Variants in FAM227A observed in about 807,000 individuals in gnomAD.
The protein encoded by FAM227A is family with sequence similarity 227 member A.
FAM227A carries 80 observed loss-of-function variants against 74.7 expected under a neutral mutation model. The ratio of observed to expected loss-of-function variants is 1.07; its 90% CI spans 0.89 to 1.29. The LOEUF (loss-of-function observed/expected upper bound fraction) is 1.29. Among genes scored for constraint, FAM227A ranks in the 50% most tolerant of loss-of-function variants. The probability of loss-of-function intolerance (pLI) is 0.00; values close to 1 mark genes in which losing one functional copy is unlikely to be tolerated. For missense variants in FAM227A, 654 were observed against 683.4 expected (o/e 0.96, Z 0.48); for synonymous variants, 237 against 241.8 (o/e 0.98, Z 0.19).
chr22:38,615,169 C>T lies in FAM227A; in HGVS notation c.1038+5043G>A, dbSNP rs1379307802. On this transcript the variant is annotated intron_variant, in intron 11 of 16. Transcript: ENST00000535113. ...CTCCCCGTAGCTGGGATTATAGGCA[C>T]GCACTGCCACGCCCAACTAATTTAT... Among the ~76,000 whole-genome samples, 4 of 152,206 alleles carry T rather than the reference C, an allele frequency of 2.6e-5. No individual in the cohort carries two copies. In the East Asian group the frequency reaches 5.8e-4, roughly 22 times the overall value.
At position 38,582,164 on chromosome 22, in the gene FAM227A, A is replaced by G. The variant is rs112577976; in HGVS notation, c.*3961T>C. ...ATTCACCACAATCAAGATAGTAGAC[A>G]TATCTGTCACCCCCAAAAGTTTATT... On this transcript the variant is annotated 3_prime_UTR_variant, in exon 17 of 17. Transcript: ENST00000535113. The G allele has an allele frequency of 0.027, 16,409 of 611,462 alleles. 300 individuals are homozygous for G. The highest frequency in any genetic ancestry group is 0.054 in the African/African-American group (2,936 of 54,090). The allele number at this position is 611,462 out of a possible 1,614,324, so 37.9% of individuals were successfully genotyped here. A position where few individuals can be genotyped will look rare whatever the true frequency, so the allele number is the denominator to read the frequency against.
intron 11 of FAM227A, among the ~76,000 whole-genome samples, chr22:38,613,133 TATA>T (rs1380913018): frequency 3.3e-5 from 3 of 92,116 alleles, no homozygotes; most frequent in African/African-American, 4.5e-5. Flanking sequence ...TAATTATATA[TATA>T]ATATATATAT....
At chr22:38,586,616 A>G (rs1230634980) in intron 16 of FAM227A, among the ~76,000 whole-genome samples, 1 of 152,212 alleles carries the variant, frequency 6.6e-6, no homozygotes, top group Non-Finnish European at 1.5e-5. Context: ...GATGGAGACT[A>G]GTCTCACAAG....
chr22:38,626,830 T>C (rs1166518807), intron 8 of FAM227A, among the ~76,000 whole-genome samples: 2 of 117,666 alleles, frequency 1.7e-5, no homozygotes, highest in Non-Finnish European at 3.2e-5. Context: ...GCTGCGACCG[T>C]GCACTCCAGC....
At chr22:38,615,320 G>T (rs948413935) in intron 11 of FAM227A, among the ~76,000 whole-genome samples, 1 of 152,076 alleles carries the variant, frequency 6.6e-6, no homozygotes, top group African/African-American at 2.4e-5. Flanking sequence ...CATCGCGCCC[G>T]GACAGAGTTT....
Position 38,579,951 on chromosome 22 carries a change from TTC to T in FAM227A, c.*6172_*6173del, listed in dbSNP as rs1231109038. ...TTTTCTTTTTAGAGATGTGGTCTCA[TTC>T]TGTCACCTAGGCTGGAGTGTGCAGT... On this transcript the variant is annotated 3_prime_UTR_variant, in exon 17 of 17. Coordinates refer to ENST00000535113, the MANE Select transcript of FAM227A (RefSeq NM_001013647.2). The T allele has an allele frequency of 6.6e-6, 1 of 152,090 alleles. No homozygotes were observed. The highest frequency in any genetic ancestry group is 2.4e-5 in the African/African-American group (1 of 41,416). The allele number at this position is 152,090 out of a possible 1,614,324, so 9.4% of individuals were successfully genotyped here.
chr22:38,626,891 A>AAAAATAAAT (rs1555966996), intron 8 of FAM227A, among the ~76,000 whole-genome samples: 1 of 57,688 alleles, frequency 1.7e-5, no homozygotes, highest in Non-Finnish European at 2.9e-5. Flanking sequence ...AAAAAAAAAA[A>AAAAATAAAT]ATATATATAT....
chr22:38,607,305 G>T, intron 12 of FAM227A, 84 bp downstream of exon 12: 1 of 1,001,358 alleles, frequency 1.0e-6, no homozygotes, highest in Admixed American at 2.4e-5. Flanking sequence ...AGCAAATTCT[G>T]TTCATACGAA....
intron 1 of FAM227A, among the ~76,000 whole-genome samples, chr22:38,651,509 T>C (rs1253744999): frequency 6.6e-6 from 1 of 152,076 alleles, no homozygotes; most frequent in East Asian, 1.9e-4. Flanking sequence ...TACAGGTACC[T>C]GCCACCCACA....
intron 11 of FAM227A, among the ~76,000 whole-genome samples, chr22:38,608,910 C>T (rs1453830699): frequency 1.3e-5 from 2 of 150,970 alleles, no homozygotes; most frequent in African/African-American, 4.9e-5. Context: ...ATACTCCTGC[C>T]TCAGCTCCCC....
intron 16 of FAM227A, among the ~76,000 whole-genome samples, chr22:38,586,612 G>A (rs1358955986): frequency 6.6e-6 from 1 of 152,208 alleles, no homozygotes; most frequent in Non-Finnish European, 1.5e-5. Context: ...ATGGGATGGA[G>A]ACTAGTCTCA....
intron 10 of FAM227A, among the ~76,000 whole-genome samples, chr22:38,622,921 T>C (rs576525451): frequency 6.8e-6 from 1 of 146,590 alleles, no homozygotes; most frequent in Non-Finnish European, 1.5e-5. Context: ...CCCAGCACAG[T>C]GCATGGCACA....
chr22:38,582,109 T>G lies in FAM227A; in HGVS notation c.*4016A>C, dbSNP rs1309497529. The G allele has an allele frequency of 2.1e-6, 1 of 466,438 alleles. No individual in the cohort carries two copies. Among genetic ancestry groups the G allele is most frequent in the East Asian group, 3.4e-5 (1 of 29,162 alleles). 28.9% of individuals were successfully genotyped at this position (466,438 alleles called of 1,614,324 possible). ...TATGAGAAACTGCACACATTTAAAG[T>G]GTATTTAGGTGTGTATACACCCATG... On this transcript the variant is annotated 3_prime_UTR_variant, in exon 17 of 17. Coordinates refer to ENST00000535113, the MANE Select transcript of FAM227A (RefSeq NM_001013647.2).
intron 8 of FAM227A, among the ~76,000 whole-genome samples, chr22:38,626,891 A>AAAAAAAAAATAT (rs1555966996): frequency 1.7e-5 from 1 of 57,690 alleles, no homozygotes; most frequent in African/African-American, 8.7e-5. Flanking sequence ...AAAAAAAAAA[A>AAAAAAAAAATAT]ATATATATAT....
chr22:38,610,039 C>T (rs2091378602), intron 11 of FAM227A, among the ~76,000 whole-genome samples: 1 of 151,972 alleles, frequency 6.6e-6, no homozygotes, highest in African/African-American at 2.4e-5. Context: ...TCCCAAAGTG[C>T]TGGGATTACA....
intron 10 of FAM227A, among the ~76,000 whole-genome samples, chr22:38,620,808 C>G (rs1022532282): frequency 1.4e-5 from 2 of 147,438 alleles, no homozygotes; most frequent in South Asian, 2.2e-4. Context: ...GACTCCGTCT[C>G]AAGAAAAAAA....
chr22:38,583,012 T>C lies in FAM227A; in HGVS notation c.*3113A>G. The stretch of plus-strand genomic sequence containing the variant: ...TCCAGAAGCAGCAACAGACAAAAGA[T>C]CCAGAAATAGGAAAGTGTGGTTCCT... On this transcript the variant is annotated 3_prime_UTR_variant, in exon 17 of 17. Transcript: ENST00000535113. The C allele has an allele frequency of 6.6e-7, 1 of 1,522,196 alleles. No individual in the cohort carries two copies. The highest frequency in any genetic ancestry group is 8.9e-7 in the Non-Finnish European group (1 of 1,123,374). 94.3% of individuals were successfully genotyped at this position (1,522,196 alleles called of 1,614,324 possible).
intron 16 of FAM227A, among the ~76,000 whole-genome samples, chr22:38,590,746 C>G (rs1311698152): frequency 6.6e-6 from 1 of 152,164 alleles, no homozygotes; most frequent in Non-Finnish European, 1.5e-5. Context: ...AATAATAACA[C>G]TAAAACTAAA....
Position 38,600,733 on chromosome 22 carries a change from C to T in FAM227A, c.1222-812G>A, listed in dbSNP as rs369850822. Among the ~76,000 whole-genome samples the T allele has an allele frequency of 2.3e-4, 35 of 151,974 alleles. No individual in the cohort carries two copies. The East Asian group carries it at 6.2e-3, about 27-fold the overall frequency. On this transcript the variant is annotated intron_variant, in intron 13 of 16. Transcript: ENST00000535113. Reference sequence around the variant, plus strand: ...AGCACTTTGGGAGGCCGAAGCAGATCGCAAGATCAAGAGATTGAGACCATC... The same window carrying T: ...AGCACTTTGGGAGGCCGAAGCAGATTGCAAGATCAAGAGATTGAGACCATC...
Sources: allele counts gnomAD v4.1 joint callset (sites outside exome capture counted in the v4.1 genomes callset), GRCh38; gene constraint gnomAD v4.1.1; transcripts MANE v1.5; gene names NCBI Gene and HGNC (gene_info 2026-07-23, HGNC 2026-07-21).